PLCB1: variants seen among roughly 807,000 people sequenced by gnomAD.
PLCB1 encodes the protein phospholipase C beta 1, also known as 1-phosphatidylinositol 4,5-bisphosphate phosphodiesterase beta-1.
A neutral mutation model predicts 161.8 loss-of-function variants in PLCB1; 46 were observed. The observed-to-expected ratio is 0.28, with a 90% confidence interval of 0.22 to 0.36. The LOEUF (loss-of-function observed/expected upper bound fraction) is 0.36. Among genes scored for constraint, PLCB1 ranks in the 10% least tolerant of loss-of-function variants. The pLI, the probability that PLCB1 is intolerant of heterozygous loss-of-function variation, is 1.00. For synonymous variants in PLCB1, 517 were observed against 503.7 expected, an observed-to-expected ratio of 1.03 and a Z score of -0.35; for missense variants, 1,016 against 1,472.5, an observed-to-expected ratio of 0.69 and a Z score of 5.07.
At chr20:8,667,883 ACCT>A (rs1989851918) in intron 9 of PLCB1, among the ~76,000 whole-genome samples, 1 of 151,652 alleles carries the variant, frequency 6.6e-6, no homozygotes, top group South Asian at 2.1e-4. Flanking sequence ...CCTAGATGTG[ACCT>A]CCCAGCAGAA....
intron 3 of PLCB1, among the ~76,000 whole-genome samples, chr20:8,495,499 G>A (rs888768282): frequency 9.0e-5 from 13 of 144,746 alleles, no homozygotes; most frequent in Non-Finnish European, 6.0e-5. Flanking sequence ...CCGGGTTCAC[G>A]CCATTCTCCT....
chr20:8,494,398 A>T (rs1050472912), intron 3 of PLCB1, among the ~76,000 whole-genome samples: 7 of 152,194 alleles, frequency 4.6e-5, no homozygotes, highest in African/African-American at 7.2e-5. Context: ...CATGTATTCG[A>T]GATAAGATAC....
At chr20:8,716,608 T>C (rs1363912851) in intron 13 of PLCB1, among the ~76,000 whole-genome samples, 1 of 152,152 alleles carries the variant, frequency 6.6e-6, no homozygotes, top group East Asian at 1.9e-4. Context: ...TTCCCAACAA[T>C]TACAATCAGC....
At chr20:8,576,613 T>C (rs148953951) in intron 3 of PLCB1, among the ~76,000 whole-genome samples, 50 of 152,300 alleles carry the variant, frequency 3.3e-4, no homozygotes, top group African/African-American at 1.2e-3. Flanking sequence ...TTTGGGAATA[T>C]GTATTTTATA....
chr20:8,765,517 T>G (rs1211492209), intron 26 of PLCB1, among the ~76,000 whole-genome samples, 159 bp downstream of exon 26: 1 of 152,244 alleles, frequency 6.6e-6, no homozygotes, highest in Non-Finnish European at 1.5e-5. Context: ...CCAGATTTGC[T>G]TGTGAATTGA....
chr20:8,724,545 A>G (rs530810455), intron 15 of PLCB1, 111 bp from the exon 16 acceptor site: 1 of 707,506 alleles, frequency 1.4e-6, no homozygotes, highest in African/African-American at 1.8e-5. Context: ...ATTTTCAGAA[A>G]GGGAGGGATG....
intron 3 of PLCB1, among the ~76,000 whole-genome samples, chr20:8,387,219 G>T (rs182892100): frequency 6.6e-6 from 1 of 152,116 alleles, no homozygotes; most frequent in Non-Finnish European, 1.5e-5. Context: ...CTTTTGACAC[G>T]CCTTCCTCAC....
At chr20:8,276,704 AATGGGCT>A (rs1568614542) in intron 2 of PLCB1, among the ~76,000 whole-genome samples, 1 of 152,130 alleles carries the variant, frequency 6.6e-6, no homozygotes, top group Non-Finnish European at 1.5e-5. Flanking sequence ...AAGGGAAGCC[AATGGGCT>A]ATGTTGGAGA....
At chr20:8,328,529 C>T (rs960008176) in intron 2 of PLCB1, among the ~76,000 whole-genome samples, 1 of 151,094 alleles carries the variant, frequency 6.6e-6, no homozygotes, top group African/African-American at 2.4e-5. Context: ...TTTTAGTTAT[C>T]CTGCATCATT....
intron 3 of PLCB1, among the ~76,000 whole-genome samples, chr20:8,561,154 G>A (rs954745310): frequency 6.6e-6 from 1 of 151,922 alleles, no homozygotes; most frequent in Non-Finnish European, 1.5e-5. Context: ...AAGACCGTTA[G>A]TGGAGAGAAT....
chr20:8,699,294 C>T (rs1990649146), intron 11 of PLCB1, among the ~76,000 whole-genome samples: 1 of 152,120 alleles, frequency 6.6e-6, no homozygotes, highest in Non-Finnish European at 1.5e-5. Flanking sequence ...GAGACAAGGC[C>T]ATTGAACATG....
chr20:8,313,482 T>C (rs911743353), intron 2 of PLCB1, among the ~76,000 whole-genome samples: 46 of 152,038 alleles, frequency 3.0e-4, no homozygotes, highest in African/African-American at 9.0e-4. Context: ...AAGATCTTAT[T>C]GACTAAAGAA....
At chr20:8,758,995 T>C (rs1306780866) in intron 24 of PLCB1, among the ~76,000 whole-genome samples, 1 of 152,202 alleles carries the variant, frequency 6.6e-6, no homozygotes, top group East Asian at 1.9e-4. Context: ...TCTACAGTAA[T>C]GTCCTTTTAC....
At chr20:8,589,740 C>T (rs1287709515) in intron 3 of PLCB1, among the ~76,000 whole-genome samples, 2 of 151,222 alleles carry the variant, frequency 1.3e-5, no homozygotes, top group African/African-American at 4.9e-5. Flanking sequence ...CTCAGCCTTC[C>T]AAGTGACTGG....
intron 24 of PLCB1, among the ~76,000 whole-genome samples, chr20:8,759,897 T>TTTC (rs1491566064): frequency 1.1e-3 from 3 of 2,774 alleles, no homozygotes; most frequent in African/African-American, 4.8e-3. Flanking sequence ...TAATATCACA[T>TTTC]TTTTTTTTTT....
intron 4 of PLCB1, among the ~76,000 whole-genome samples, chr20:8,641,446 T>A (rs1988953773): frequency 6.6e-6 from 1 of 152,214 alleles, no homozygotes; most frequent in African/African-American, 2.4e-5. Flanking sequence ...TAAAAAAGAA[T>A]GCGAGGCAGA....
intron 3 of PLCB1, among the ~76,000 whole-genome samples, chr20:8,501,065 G>C (rs570466323): frequency 6.6e-6 from 1 of 152,250 alleles, no homozygotes; most frequent in South Asian, 2.1e-4. Flanking sequence ...ACCTGAGACT[G>C]ATACCAGGTC....
chr20:8,731,976 T>C (rs751376319), intron 18 of PLCB1: 2 of 150,730 alleles, frequency 1.3e-5, no homozygotes, highest in African/African-American at 5.0e-5. Flanking sequence ...ATTATGCACA[T>C]AGAGATGAGT....
At chr20:8,258,536 T>A (rs1182294016) in intron 2 of PLCB1, among the ~76,000 whole-genome samples, 1 of 152,136 alleles carries the variant, frequency 6.6e-6, no homozygotes, top group Non-Finnish European at 1.5e-5. Context: ...TTGAGTTCAG[T>A]TTTTCCCTGC....
Sources: gnomAD v4.1 joint callset for allele counts (sites outside exome capture counted in the v4.1 genomes callset) on GRCh38, gnomAD v4.1.1 for gene constraint, MANE v1.5 for transcripts, NCBI Gene and HGNC (gene_info 2026-07-23, HGNC 2026-07-21) for gene names.